The following MACROD1 variants were observed in gnomAD, a reference collection of about 807,000 sequenced individuals.
The protein encoded by MACROD1 is ADP-ribose glycohydrolase MACROD1.
MACROD1 carries 31 observed loss-of-function variants against 41.4 expected under a neutral mutation model. The observed-to-expected ratio is 0.75, with a 90% CI of 0.56 to 1.01. The LOEUF (loss-of-function observed/expected upper bound fraction) is 1.01, where lower values mean the gene tolerates loss of function less well. MACROD1 is among the 50% of genes least tolerant of loss of function. MACROD1 has a pLI of 0.00. For missense variants in MACROD1, 473 were observed against 460.0 expected, an observed-to-expected ratio of 1.03 and a Z score of -0.26; for synonymous variants, 252 against 203.4, an observed-to-expected ratio of 1.24 and a Z score of -2.03.
intron 3 of MACROD1, among the ~76,000 whole-genome samples, chr11:64,141,641 C>T (rs550016836): frequency 6.6e-6 from 1 of 152,344 alleles, no homozygotes; most frequent in South Asian, 2.1e-4. Context: ...CACACACATT[C>T]CCACAAGCTC....
chr11:64,123,533 T>TG (rs1416682757), intron 3 of MACROD1, among the ~76,000 whole-genome samples: 431 of 9,144 alleles, frequency 0.047, 9 homozygotes, highest in African/African-American at 0.15. Flanking sequence ...CCTCGATGGG[T>TG]GGGGTGGGGG....
At chr11:64,089,437 G>A (rs1197135886) in intron 3 of MACROD1, among the ~76,000 whole-genome samples, 2 of 152,320 alleles carry the variant, frequency 1.3e-5, no homozygotes, top group East Asian at 1.9e-4. Flanking sequence ...TGGAGGAGTC[G>A]TCACCTCACG....
At chr11:64,059,062 A>G (rs569451314) in intron 3 of MACROD1, among the ~76,000 whole-genome samples, 2 of 152,160 alleles carry the variant, frequency 1.3e-5, no homozygotes, top group Non-Finnish European at 1.5e-5. Context: ...TGGGCACCCA[A>G]TTTGCACTGG....
In MACROD1 at chr11:64,065,864, C is replaced by A. The variant is rs1045492390; in HGVS notation, c.518-50583G>T. The stretch of plus-strand genomic sequence containing the variant: ...ATGCACAGGCAGGCAGGTGGGAGAT[C>A]GCAACAACCATTCACCCCAGTGCAG... On this transcript the variant is annotated intron_variant, in intron 3 of 10. Coordinates refer to ENST00000255681, the MANE Select transcript of MACROD1 (RefSeq NM_014067.4). Among the ~76,000 whole-genome samples the A allele has an allele frequency of 2.0e-5, 3 of 151,484 alleles. No homozygotes were observed. The East Asian group carries it at 5.8e-4, about 29-fold the overall frequency.
intron 3 of MACROD1, chr11:64,103,844 C>A (rs1176211056): frequency 9.9e-5 from 15 of 152,228 alleles, no homozygotes. Context: ...CACACAGGAC[C>A]CTCACTCTGC....
At chr11:63,998,774 GC>G in intron 10 of MACROD1, 63 bp downstream of exon 10, 1 of 1,442,152 alleles carries the variant, frequency 6.9e-7, no homozygotes, top group Non-Finnish European at 9.1e-7. Context: ...TTGGGGGTGA[GC>G]GGGGGTTAGT....
intron 1 of MACROD1, among the ~76,000 whole-genome samples, chr11:64,153,334 G>A (rs1007228007): frequency 3.9e-5 from 6 of 152,116 alleles, no homozygotes; most frequent in African/African-American, 9.7e-5. Context: ...CAGCCCCCAC[G>A]GCAAACAGCA....
chr11:64,059,656 G>T (rs1420318654), intron 3 of MACROD1, among the ~76,000 whole-genome samples: 1 of 152,200 alleles, frequency 6.6e-6, no homozygotes, highest in Non-Finnish European at 1.5e-5. Context: ...GAAAAGTCCA[G>T]CCCTGCAGTG....
intron 3 of MACROD1, among the ~76,000 whole-genome samples, chr11:64,024,000 A>G (rs1351750427): frequency 6.6e-6 from 1 of 151,670 alleles, no homozygotes; most frequent in East Asian, 1.9e-4. Flanking sequence ...GGCCAGTCTC[A>G]CCCCAAGCTG....
intron 3 of MACROD1, among the ~76,000 whole-genome samples, chr11:64,077,384 G>T (rs1389203713): frequency 2.0e-5 from 3 of 152,186 alleles, no homozygotes; most frequent in African/African-American, 7.2e-5. Context: ...TCACGGGGCT[G>T]CCCTGCCCTC....
intron 3 of MACROD1, among the ~76,000 whole-genome samples, chr11:64,102,637 C>A (rs1944690246): frequency 6.6e-6 from 1 of 152,208 alleles, no homozygotes; most frequent in South Asian, 2.1e-4. Context: ...AGTCCTTCCA[C>A]CCCCAGGGAG....
rs1228225094 is a variant in MACROD1 at position 64,118,412 on chromosome 11, TC to T, written c.517+32826del. 3 of 1,282,316 alleles carry T rather than the reference TC, an allele frequency of 2.3e-6. No individual in the cohort carries two copies. The African/African-American group carries it at 4.4e-5, about 19-fold the overall frequency. 79.4% of individuals were successfully genotyped at this position (1,282,316 alleles called of 1,614,324 possible). ...AGAGAAATTCCATGGGTGACTTTCCTCCGCAGAAAGCAAAGTTTGGGGAGGG... is the reference window on the plus strand; with the variant it reads ...AGAGAAATTCCATGGGTGACTTTCCTCGCAGAAAGCAAAGTTTGGGGAGGG... On this transcript the variant is annotated intron_variant, in intron 3 of 10. Transcript: ENST00000255681.
chr11:64,135,008 C>T (rs1388402487), intron 3 of MACROD1, among the ~76,000 whole-genome samples: 2 of 152,184 alleles, frequency 1.3e-5, no homozygotes, highest in African/African-American at 4.8e-5. Context: ...GCCTGGCTCC[C>T]GATCAGCCAA....
At chr11:64,030,648 G>A (rs1158932157) in intron 3 of MACROD1, among the ~76,000 whole-genome samples, 2 of 152,164 alleles carry the variant, frequency 1.3e-5, no homozygotes, top group East Asian at 1.9e-4. Context: ...GGACATGTTG[G>A]CCGGTAGATG....
intron 3 of MACROD1, among the ~76,000 whole-genome samples, chr11:64,081,530 C>A (rs1421851182): frequency 6.6e-6 from 1 of 152,102 alleles, no homozygotes; most frequent in Non-Finnish European, 1.5e-5. Flanking sequence ...AGTGTAACAC[C>A]CCCCCGACCC....
chr11:64,158,475 C>T (rs955649454), intron 1 of MACROD1, among the ~76,000 whole-genome samples: 2 of 152,166 alleles, frequency 1.3e-5, no homozygotes, highest in Non-Finnish European at 1.5e-5. Flanking sequence ...AACTCCTGGG[C>T]TCTAGCAATC....
At chr11:64,015,669 G>C (rs2134341954) in intron 3 of MACROD1, among the ~76,000 whole-genome samples, 1 of 152,318 alleles carries the variant, frequency 6.6e-6, no homozygotes, top group East Asian at 1.9e-4. Context: ...GGGGAGGAAA[G>C]GACAGGTCCC....
In MACROD1 at chr11:64,094,787, C is replaced by T. The variant is rs959845839; in HGVS notation, c.517+56452G>A. Among the ~76,000 whole-genome samples the T allele has an allele frequency of 3.9e-5, 6 of 152,370 alleles. No homozygotes were observed. In the East Asian group the frequency reaches 7.7e-4, roughly 20 times the overall value. On this transcript the variant is annotated intron_variant, in intron 3 of 10. Transcript: ENST00000255681. ...AAAGTCACCCCTGACCCCACGACCA[C>T]GGCATCCTTGGCTGTGCCTGGGGTT... is the stretch of plus-strand genomic sequence containing the variant.
intron 3 of MACROD1, chr11:64,083,021 A>T (rs1944330975): frequency 6.6e-6 from 1 of 152,220 alleles, no homozygotes; most frequent in Admixed American, 6.5e-5. Flanking sequence ...GCGTTTTCTC[A>T]TATCCCATTA....
Sources: allele counts gnomAD v4.1 joint callset (sites outside exome capture counted in the v4.1 genomes callset), GRCh38; gene constraint gnomAD v4.1.1; transcripts MANE v1.5; gene names NCBI Gene and HGNC (gene_info 2026-07-23, HGNC 2026-07-21).